The following FERMT2 variants were observed in gnomAD, a reference collection of about 807,000 sequenced individuals.
FERMT2 encodes fermitin family homolog 2.
A neutral mutation model predicts 82.7 loss-of-function variants in FERMT2; 15 were observed. The observed-to-expected ratio is 0.18, with a 90% CI of 0.12 to 0.28. FERMT2 has a LOEUF of 0.28. Among genes scored for constraint, FERMT2 ranks in the 10% least tolerant of loss-of-function variants. The probability of loss-of-function intolerance (pLI) is 1.00; values close to 1 mark genes in which losing one functional copy is unlikely to be tolerated. For synonymous variants in FERMT2, 274 were observed against 271.5 expected, an observed-to-expected ratio of 1.01 and a Z score of -0.09; for missense variants, 645 against 809.4, an observed-to-expected ratio of 0.80 and a Z score of 2.46.
intron 3 of FERMT2, among the ~76,000 whole-genome samples, chr14:52,901,803 C>T (rs1887669041): frequency 6.6e-6 from 1 of 152,192 alleles, no homozygotes; most frequent in African/African-American, 2.4e-5. Flanking sequence ...ACCTTAACTT[C>T]AGCCACTTAA....
chr14:52,947,207 T>C (rs1890396016), intron 2 of FERMT2, among the ~76,000 whole-genome samples: 1 of 152,126 alleles, frequency 6.6e-6, no homozygotes, highest in Non-Finnish European at 1.5e-5. Flanking sequence ...AGGATGGGCG[T>C]GGTGGCTCAC....
chr14:52,935,838 G>A (rs1021660046), intron 2 of FERMT2, among the ~76,000 whole-genome samples: 2 of 152,162 alleles, frequency 1.3e-5, no homozygotes, highest in Admixed American at 6.5e-5. Flanking sequence ...TTGAAGTTAC[G>A]AATCTGAGAT....
chr14:52,923,443 C>T (rs1008552441), intron 2 of FERMT2, among the ~76,000 whole-genome samples: 1 of 152,026 alleles, frequency 6.6e-6, no homozygotes, highest in African/African-American at 2.4e-5. Context: ...ACTTTGCAGG[C>T]CCCTGTTGTA....
chr14:52,881,919 GAAAA>G (rs1886324128), intron 4 of FERMT2: 3 of 493,582 alleles, frequency 6.1e-6, no homozygotes, highest in Non-Finnish European at 6.6e-6. Context: ...ATGAGAAAAA[GAAAA>G]AACAGATTTT....
rs1884682416 is a variant in FERMT2 at position 52,858,163 on chromosome 14, G to T, written c.*214C>A. 2.0e-6 allele frequency: 1 copy of T among 505,216 alleles called. No individual in the cohort carries two copies. 31.3% of individuals were successfully genotyped at this position (505,216 alleles called of 1,614,324 possible). Reference sequence around the variant, plus strand: ...TTCAGTTTTCAATTCATGGCCCTAAGGAATGTGTGACAAATTCAAGTTTAT... The same window carrying T: ...TTCAGTTTTCAATTCATGGCCCTAATGAATGTGTGACAAATTCAAGTTTAT... On this transcript the variant is annotated 3_prime_UTR_variant, in exon 15 of 15. Transcript: ENST00000341590.
chr14:52,874,047 C>A, intron 9 of FERMT2, 130 bp downstream of exon 9: 1 of 481,750 alleles, frequency 2.1e-6, no homozygotes, highest in South Asian at 6.4e-5. Context: ...ATTTGGTGTT[C>A]ACCTAACTGG....
intron 2 of FERMT2, among the ~76,000 whole-genome samples, chr14:52,943,381 A>T (rs2139704346): frequency 6.6e-6 from 1 of 152,290 alleles, no homozygotes; most frequent in East Asian, 1.9e-4. Context: ...TAATGTCAAT[A>T]AGCCATTTAT....
chr14:52,895,275 G>T (rs1887192964), intron 3 of FERMT2, among the ~76,000 whole-genome samples: 1 of 152,188 alleles, frequency 6.6e-6, no homozygotes, highest in Non-Finnish European at 1.5e-5. Flanking sequence ...ACTATTAAAT[G>T]AGACAATTTT....
In FERMT2 at chr14:52,950,557, G is replaced by A; in HGVS notation, c.12C>T (p.Asp4=). ...AGCAGCCATCTGGCATCCTTATCCC[G>A]TCCAGAGCCATGGCTCCTTCCTGCG... MAL[D]GIRMPDGCYA... The change falls in exon 2 of 15, where the codon GAC becomes GAT. Residue 4 remains aspartate, a synonymous_variant. Coordinates refer to ENST00000341590, the MANE Select transcript of FERMT2 (RefSeq NM_006832.3). 1 of 1,613,496 alleles carries A rather than the reference G, an allele frequency of 6.2e-7. No individual in the cohort carries two copies. Among genetic ancestry groups the A allele is most frequent in the Non-Finnish European group, 8.5e-7 (1 of 1,179,728 alleles).
intron 10 of FERMT2, among the ~76,000 whole-genome samples, chr14:52,868,399 C>G (rs542567195): frequency 6.6e-6 from 1 of 152,172 alleles, no homozygotes; most frequent in South Asian, 2.1e-4. Flanking sequence ...TTATAGAACA[C>G]CCTTACCCCT....
At chr14:52,862,799 C>G (rs1485611619) in intron 12 of FERMT2, 1 of 152,182 alleles carries the variant, frequency 6.6e-6, no homozygotes, top group Non-Finnish European at 1.5e-5. Flanking sequence ...AACCACGGAC[C>G]ACACACAAAC....
intron 12 of FERMT2, chr14:52,862,028 G>GA (rs1408118421): frequency 1.3e-5 from 2 of 152,182 alleles, no homozygotes; most frequent in African/African-American, 4.8e-5. Flanking sequence ...TACTTACTAG[G>GA]CACCAGGGCA....
intron 10 of FERMT2, among the ~76,000 whole-genome samples, chr14:52,867,742 TC>T (rs1208083639): frequency 6.6e-6 from 1 of 152,088 alleles, no homozygotes; most frequent in Admixed American, 6.6e-5. Flanking sequence ...AACTCATCTT[TC>T]CCCCCAAACC....
intron 3 of FERMT2, among the ~76,000 whole-genome samples, chr14:52,904,575 C>T (rs1353052034): frequency 6.6e-6 from 1 of 151,622 alleles, no homozygotes. Context: ...TGCCTGTAAT[C>T]CCAGCTACTC....
In FERMT2 at chr14:52,929,839, C is replaced by T. The variant is rs1332900732; in HGVS notation, c.158-10483G>A. ...TGTTGGTGGGTGGGGGAGGAGGGTG[C>T]TATCTTTCTTTCCTAATAGATTATA... is the stretch of plus-strand genomic sequence containing the variant. On this transcript the variant is annotated intron_variant, in intron 2 of 14. Coordinates refer to ENST00000341590, the MANE Select transcript of FERMT2 (RefSeq NM_006832.3). 2.0e-5 allele frequency among the ~76,000 whole-genome samples: 3 copies of T among 152,210 alleles called. No individual in the cohort carries two copies. The East Asian group carries it at 5.8e-4, about 29-fold the overall frequency.
intron 2 of FERMT2, among the ~76,000 whole-genome samples, chr14:52,924,751 T>C (rs1391209965): frequency 6.6e-6 from 1 of 152,130 alleles, no homozygotes; most frequent in Non-Finnish European, 1.5e-5. Context: ...GATAGAATAA[T>C]AGCTGGTAAA....
chr14:52,906,252 T>G (rs1888005898), intron 3 of FERMT2, among the ~76,000 whole-genome samples: 1 of 151,346 alleles, frequency 6.6e-6, no homozygotes, highest in South Asian at 2.1e-4. Flanking sequence ...TTTCCTGGAG[T>G]CTAGCTACCA....
chr14:52,876,105 T>C (rs771149514), intron 7 of FERMT2, among the ~76,000 whole-genome samples: 17 of 152,238 alleles, frequency 1.1e-4, no homozygotes, highest in Non-Finnish European at 2.2e-4. Flanking sequence ...CTTTAAATCT[T>C]AATCAATTAC....
chr14:52,877,670 C>T (rs1290577564), intron 7 of FERMT2, among the ~76,000 whole-genome samples: 1 of 128,344 alleles, frequency 7.8e-6, no homozygotes, highest in Non-Finnish European at 1.6e-5. Flanking sequence ...TTTCTGGATG[C>T]ATAAAGGAGG....
Sources: allele counts gnomAD v4.1 joint callset (sites outside exome capture counted in the v4.1 genomes callset), GRCh38; gene constraint gnomAD v4.1.1; transcripts MANE v1.5; gene names NCBI Gene and HGNC (gene_info 2026-07-23, HGNC 2026-07-21).